The following NEK11 variants were observed in gnomAD, a reference collection of about 807,000 sequenced individuals.
The protein encoded by NEK11 is NIMA related kinase 11, also known as serine/threonine-protein kinase Nek11.
Under a neutral mutation model 80.7 loss-of-function variants are expected in NEK11, and 72 were observed. The ratio of observed to expected loss-of-function variants is 0.89; its 90% CI spans 0.74 to 1.08. NEK11 has a LOEUF of 1.08. Ranked by LOEUF, NEK11 falls within the 50% of genes least tolerant of loss-of-function variation. The pLI is 0.00. For missense variants in NEK11, 764 were observed against 763.6 expected (o/e 1.00, Z -0.01); for synonymous variants, 251 against 260.7 (o/e 0.96, Z 0.36).
chr3:131,220,922 T>C (rs182876032), intron 14 of NEK11, among the ~76,000 whole-genome samples: 2 of 152,260 alleles, frequency 1.3e-5, no homozygotes, highest in Admixed American at 1.3e-4. Flanking sequence ...AAGACATTTT[T>C]TGCAGTTCGA....
chr3:131,298,903 A>G (rs2096630690), intron 17 of NEK11, among the ~76,000 whole-genome samples: 1 of 146,346 alleles, frequency 6.8e-6, no homozygotes, highest in Admixed American at 6.8e-5. Context: ...TAGTAGTGTC[A>G]TAATCCTTAG....
chr3:131,056,108 C>T (rs775111754), intron 3 of NEK11, among the ~76,000 whole-genome samples: 3 of 152,100 alleles, frequency 2.0e-5, no homozygotes, highest in East Asian at 1.9e-4. Flanking sequence ...GGTTTTCTTC[C>T]GAAGGGCTTC....
At chr3:131,126,914 T>A (rs537660760) in intron 5 of NEK11, among the ~76,000 whole-genome samples, 1 of 151,926 alleles carries the variant, frequency 6.6e-6, no homozygotes, top group South Asian at 2.1e-4. Context: ...GTATTTCAGA[T>A]GTCTCTTATA....
At chr3:131,079,996 G>A (rs34910666) in intron 3 of NEK11, among the ~76,000 whole-genome samples, 27,895 of 151,206 alleles carry the variant, frequency 0.18, 2,651 homozygotes, top group Non-Finnish European at 0.21. Context: ...TAAGATACAG[G>A]GAGACAGAGT....
At chr3:131,265,191 T>C (rs2096023099) in intron 16 of NEK11, among the ~76,000 whole-genome samples, 1 of 152,194 alleles carries the variant, frequency 6.6e-6, no homozygotes, top group South Asian at 2.1e-4. Flanking sequence ...CTTTTCCTAT[T>C]TGAATACCCT....
At chr3:131,237,191 A>G (rs549923127) in intron 15 of NEK11, among the ~76,000 whole-genome samples, 287 of 152,164 alleles carry the variant, frequency 1.9e-3, no homozygotes, top group Non-Finnish European at 3.6e-3. Flanking sequence ...AAATTTTAAA[A>G]TAGCTGAGCA....
intron 3 of NEK11, among the ~76,000 whole-genome samples, chr3:131,040,390 G>A (rs2066298134): frequency 6.6e-6 from 1 of 152,014 alleles, no homozygotes; most frequent in African/African-American, 2.4e-5. Context: ...TCATTATCAT[G>A]ATTGTAGAGA....
intron 17 of NEK11, chr3:131,329,312 G>C (rs55658338): frequency 1.3e-5 from 2 of 152,068 alleles, no homozygotes; most frequent in South Asian, 4.1e-4. Flanking sequence ...CTAATTCTTA[G>C]AATACTAGGG....
At chr3:131,088,836 T>C (rs2149120249) in intron 4 of NEK11, among the ~76,000 whole-genome samples, 1 of 152,328 alleles carries the variant, frequency 6.6e-6, no homozygotes, top group East Asian at 1.9e-4. Flanking sequence ...GTTTTGCTTT[T>C]AAGAGCATAA....
chr3:131,068,537 C>T (rs1262470003), intron 3 of NEK11, among the ~76,000 whole-genome samples: 1 of 152,118 alleles, frequency 6.6e-6, no homozygotes, highest in East Asian at 1.9e-4. Flanking sequence ...GAAAACCACG[C>T]CCAAGCTTCT....
chr3:131,338,889 T>A (rs2097240319), intron 17 of NEK11, among the ~76,000 whole-genome samples: 1 of 152,230 alleles, frequency 6.6e-6, no homozygotes, highest in Non-Finnish European at 1.5e-5. Context: ...GTGATGAAAT[T>A]GCTCTGTATC....
chr3:131,273,487 C>G lies in NEK11; in HGVS notation c.1631C>G (p.Thr544Ser). 6.2e-7 allele frequency: 1 copy of G among 1,613,646 alleles called. No homozygotes were observed. The highest frequency in any genetic ancestry group is 8.5e-7 in the Non-Finnish European group (1 of 1,179,594). Residue 544 changes from threonine to serine, a missense_variant, in exon 17 of 18, where the codon ACC (threonine) becomes AGC (serine). Thr to Ser is a moderately conservative substitution (Grantham distance 58, BLOSUM62 1). Transcript: ENST00000383366. Reference protein sequence around the residue: ...VLGCTSLDTKTITTMAEDMSP... With the variant: ...VLGCTSLDTKSITTMAEDMSP... ...GTGCATTGATTTTCAGACACAAAGA[C>G]CATCACCACCATGGCTGAAGACATG...
At chr3:131,232,602 T>C (rs557288719) in intron 15 of NEK11, among the ~76,000 whole-genome samples, 1 of 152,330 alleles carries the variant, frequency 6.6e-6, no homozygotes, top group South Asian at 2.1e-4. Flanking sequence ...CAATGCTTTT[T>C]CCCCAAATCA....
At chr3:131,176,365 C>T (rs1341419950) in intron 14 of NEK11, among the ~76,000 whole-genome samples, 1 of 152,176 alleles carries the variant, frequency 6.6e-6, no homozygotes, top group Non-Finnish European at 1.5e-5. Flanking sequence ...GTCTTCAAGA[C>T]TTGATTTATA....
chr3:131,107,336 T>A (rs1379114271), intron 4 of NEK11, among the ~76,000 whole-genome samples: 1 of 151,348 alleles, frequency 6.6e-6, no homozygotes, highest in Admixed American at 6.6e-5. Context: ...GTCGTGCACA[T>A]GTACCCTAAA....
intron 16 of NEK11, among the ~76,000 whole-genome samples, chr3:131,268,315 G>A (rs1329966162): frequency 1.3e-5 from 2 of 152,148 alleles, no homozygotes; most frequent in South Asian, 4.1e-4. Flanking sequence ...TTCCCTTGCT[G>A]GTGAGGAGTT....
chr3:131,292,525 T>G (rs931566577), intron 17 of NEK11, among the ~76,000 whole-genome samples: 2 of 151,810 alleles, frequency 1.3e-5, no homozygotes, highest in African/African-American at 4.8e-5. Context: ...CTTTTTTTTT[T>G]TTTTTTTAGA....
At chr3:131,131,587 A>G (rs1307699679) in intron 5 of NEK11, among the ~76,000 whole-genome samples, 2 of 152,012 alleles carry the variant, frequency 1.3e-5, no homozygotes, top group Admixed American at 1.3e-4. Flanking sequence ...TTTGATTTTA[A>G]TAGTTTTTGT....
intron 5 of NEK11, among the ~76,000 whole-genome samples, chr3:131,116,975 G>C (rs563534546): frequency 1.3e-5 from 2 of 152,268 alleles, no homozygotes; most frequent in African/African-American, 4.8e-5. Flanking sequence ...AAGCTCTTTA[G>C]TTTAATTAGA....
Sources: gnomAD v4.1 joint callset for allele counts (sites outside exome capture counted in the v4.1 genomes callset) on GRCh38, gnomAD v4.1.1 for gene constraint, MANE v1.5 for transcripts, NCBI Gene and HGNC (gene_info 2026-07-23, HGNC 2026-07-21) for gene names.